TENT5C: variants seen among roughly 807,000 people sequenced by gnomAD.
TENT5C encodes terminal nucleotidyltransferase 5C, also known as family with sequence similarity 46 member C.
A neutral mutation model predicts 22.2 loss-of-function variants in TENT5C; 5 were observed. That is an observed-to-expected ratio of 0.22 (90% CI 0.12 to 0.47). TENT5C has a LOEUF of 0.47. Among genes scored for constraint, TENT5C ranks in the 20% least tolerant of loss-of-function variants. The probability of loss-of-function intolerance (pLI) is 0.99; values close to 1 mark genes in which losing one functional copy is unlikely to be tolerated. For missense variants in TENT5C, 364 were observed against 500.9 expected, an observed-to-expected ratio of 0.73 and a Z score of 2.61; for synonymous variants, 199 against 195.4, an observed-to-expected ratio of 1.02 and a Z score of -0.15.
chr1:117,613,143 G>A (rs1368594054), intron 1 of TENT5C, among the ~76,000 whole-genome samples: 1 of 152,228 alleles, frequency 6.6e-6, no homozygotes, highest in African/African-American at 2.4e-5. Flanking sequence ...GATCTAGAAA[G>A]AAGCAGTTGA....
rs1243185366 is a variant in TENT5C at position 117,623,864 on chromosome 1, C to T, written c.996C>T (p.Leu332=). 1.2e-6 allele frequency: 2 copies of T among 1,614,084 alleles called. No homozygotes were observed. Among genetic ancestry groups the T allele is most frequent in the African/African-American group, 2.7e-5 (2 of 74,928 alleles). The change falls in exon 2 of 2, where the codon CTC becomes CTT. Residue 332 remains leucine (L), a synonymous_variant. Transcript: ENST00000369448. ...ATGAACGCAGGCAGACTCTGAACCT[C>T]ATCTCCCTCCTGGCCTTGCGTGTGC... ...MGHERRQTLN[L]ISLLALRVLA...
intron 1 of TENT5C, among the ~76,000 whole-genome samples, chr1:117,608,640 T>G (rs933870896): frequency 2.0e-5 from 3 of 152,218 alleles, no homozygotes; most frequent in Non-Finnish European, 4.4e-5. Context: ...ACTTTTTTTG[T>G]TGTTTTTACT....
chr1:117,615,379 A>T (rs1463671175), intron 1 of TENT5C, among the ~76,000 whole-genome samples: 3 of 152,220 alleles, frequency 2.0e-5, no homozygotes, highest in African/African-American at 7.2e-5. Flanking sequence ...CAATTTGCAC[A>T]TCCTCTTTGT....
chr1:117,608,660 C>CAT (rs1303801488), intron 1 of TENT5C, among the ~76,000 whole-genome samples: 1 of 152,022 alleles, frequency 6.6e-6, no homozygotes, highest in Non-Finnish European at 1.5e-5. Flanking sequence ...TGCTCAAGTA[C>CAT]ATAGGACCTT....
chr1:117,627,341 A>G lies in TENT5C; in HGVS notation c.*3297A>G, dbSNP rs1376638943. On this transcript the variant is annotated 3_prime_UTR_variant, in exon 2 of 2. Coordinates refer to ENST00000369448, the MANE Select transcript of TENT5C (RefSeq NM_017709.4). The stretch of plus-strand genomic sequence containing the variant: ...ACCTCTGCACTAACCCCTTACCCTT[A>G]TGGTACGTCAGGATTTTAACTAGTA... 4 of 247,990 alleles carry G rather than the reference A, an allele frequency of 1.6e-5. No individual in the cohort carries two copies. 15.4% of individuals were successfully genotyped at this position (247,990 alleles called of 1,614,324 possible).
chr1:117,616,689 C>T (rs565886778), intron 1 of TENT5C, among the ~76,000 whole-genome samples: 2 of 152,296 alleles, frequency 1.3e-5, no homozygotes, highest in South Asian at 4.1e-4. Flanking sequence ...AGGTAACATC[C>T]AGAAATAGTG....
chr1:117,609,676 C>T (rs1438594306), intron 1 of TENT5C, among the ~76,000 whole-genome samples: 1 of 152,220 alleles, frequency 6.6e-6, no homozygotes, highest in Non-Finnish European at 1.5e-5. Context: ...AGTCGAGGCA[C>T]TCCGATTTCT....
chr1:117,607,037 G>T (rs1558004029), intron 1 of TENT5C, among the ~76,000 whole-genome samples: 1 of 152,204 alleles, frequency 6.6e-6, no homozygotes, highest in Non-Finnish European at 1.5e-5. Flanking sequence ...GACTCCCTTC[G>T]CACTGGTCGC....
Position 117,627,654 on chromosome 1 carries a change from A to G in TENT5C, c.*3610A>G, listed in dbSNP as rs1654039970. 1.2e-5 allele frequency: 3 copies of G among 248,010 alleles called. No homozygotes were observed. Among genetic ancestry groups the G allele is most frequent in the South Asian group, 1.8e-4 (1 of 5,522 alleles). The allele number at this position is 248,010 out of a possible 1,614,324, so 15.4% of individuals were successfully genotyped here. A position where few individuals can be genotyped will look rare whatever the true frequency, so the allele number is the denominator to read the frequency against. ...GAATCCAGTTTCCAAGGTTAGATTC[A>G]CATCCTTAATCTTGCAGAGACTAGA... On this transcript the variant is annotated 3_prime_UTR_variant, in exon 2 of 2. Transcript: ENST00000369448.
At position 117,627,901 on chromosome 1, in the gene TENT5C, A is replaced by G. The variant is rs967790747; in HGVS notation, c.*3857A>G. The stretch of plus-strand genomic sequence containing the variant: ...TCAAGTGCCTAAATCTTGTTTACCT[A>G]TCACTTTAAAAAAATAATTGAAGTG... On this transcript the variant is annotated 3_prime_UTR_variant, in exon 2 of 2. Transcript: ENST00000369448. 16 of 247,836 alleles carry G rather than the reference A, an allele frequency of 6.5e-5. No individual in the cohort carries two copies. The highest frequency in any genetic ancestry group is 3.1e-4 in the African/African-American group (14 of 45,264). 15.4% of individuals were successfully genotyped at this position (247,836 alleles called of 1,614,324 possible).
At chr1:117,614,677 ACT>A (rs1031188807) in intron 1 of TENT5C, among the ~76,000 whole-genome samples, 1 of 151,858 alleles carries the variant, frequency 6.6e-6, no homozygotes, top group Non-Finnish European at 1.5e-5. Flanking sequence ...GCCTATCAAC[ACT>A]CTGATCTCCC....
intron 1 of TENT5C, among the ~76,000 whole-genome samples, chr1:117,618,870 ACAGTTTTGCTGTTAG>A (rs1653839851): frequency 6.6e-6 from 1 of 152,194 alleles, no homozygotes; most frequent in African/African-American, 2.4e-5. Flanking sequence ...ACAGACTTTA[ACAGTTTTGCTGTTAG>A]CAGTTTTGCT....
At chr1:117,620,318 T>G (rs1436178369) in intron 1 of TENT5C, among the ~76,000 whole-genome samples, 1 of 152,216 alleles carries the variant, frequency 6.6e-6, no homozygotes, top group Admixed American at 6.5e-5. Flanking sequence ...TTTAAAAAAA[T>G]TGTTGCTTGT....
rs183925178 is a variant in TENT5C, at chr1:117,625,993, T to G, written c.*1949T>G. ...TGCTTCAGTGTTAAGAGTGGGGCAA[T>G]GAAGAGTGAACCCCAATGAAGAGTG... is the stretch of plus-strand genomic sequence containing the variant. On this transcript the variant is annotated 3_prime_UTR_variant, in exon 2 of 2. Transcript: ENST00000369448. The G allele has an allele frequency of 4.2e-3, 1,032 of 246,056 alleles. 2 individuals carry two copies. Among genetic ancestry groups the G allele is most frequent in the Non-Finnish European group, 7.3e-3 (854 of 117,090 alleles). The allele number at this position is 246,056 out of a possible 1,614,324, so 15.2% of individuals were successfully genotyped here.
chr1:117,619,127 T>A (rs1350351208), intron 1 of TENT5C, among the ~76,000 whole-genome samples: 1 of 152,232 alleles, frequency 6.6e-6, no homozygotes, highest in Admixed American at 6.5e-5. Flanking sequence ...GAATATTTTG[T>A]GTATACTTGC....
intron 1 of TENT5C, among the ~76,000 whole-genome samples, chr1:117,620,611 G>A (rs898160388): frequency 2.0e-5 from 3 of 152,142 alleles, no homozygotes; most frequent in Non-Finnish European, 4.4e-5. Flanking sequence ...ATACCAGTCC[G>A]TGGCCTGTTA....
Position 117,627,305 on chromosome 1 carries a change from T to A in TENT5C, c.*3261T>A. 4.0e-6 allele frequency: 1 copy of A among 248,196 alleles called. No individual in the cohort carries two copies. Among genetic ancestry groups the A allele is most frequent in the East Asian group, 6.0e-5 (1 of 16,598 alleles). The allele number at this position is 248,196 out of a possible 1,614,324, so 15.4% of individuals were successfully genotyped here. ...TTGCTAAAACCCTGAATCTGCTTAT[T>A]CTTCAGCTTCACCTCTGCACTAACC... On this transcript the variant is annotated 3_prime_UTR_variant, in exon 2 of 2. Transcript: ENST00000369448.
rs1037801345 is a variant in TENT5C at position 117,626,196 on chromosome 1, T to A, written c.*2152T>A. On this transcript the variant is annotated 3_prime_UTR_variant, in exon 2 of 2. Coordinates refer to ENST00000369448, the MANE Select transcript of TENT5C (RefSeq NM_017709.4). Reference sequence around the variant, plus strand: ...TCAGTATTTCTTCTACTTAGAAGGCTTGGGGCCCAGGGTAATGAGGCACCA... The same window carrying A: ...TCAGTATTTCTTCTACTTAGAAGGCATGGGGCCCAGGGTAATGAGGCACCA... The A allele has an allele frequency of 4.0e-6, 1 of 247,950 alleles. No individual in the cohort carries two copies. 15.4% of individuals were successfully genotyped at this position (247,950 alleles called of 1,614,324 possible).
chr1:117,611,532 A>G (rs1653671786), intron 1 of TENT5C, among the ~76,000 whole-genome samples: 1 of 152,210 alleles, frequency 6.6e-6, no homozygotes, highest in Admixed American at 6.5e-5. Context: ...TAGTAGTCCC[A>G]TTAAAGAGTA....
Sources: gnomAD v4.1 joint callset for allele counts (sites outside exome capture counted in the v4.1 genomes callset) on GRCh38, gnomAD v4.1.1 for gene constraint, MANE v1.5 for transcripts, NCBI Gene and HGNC (gene_info 2026-07-23, HGNC 2026-07-21) for gene names.